Variants in PCDH15 observed in about 807,000 individuals in gnomAD.
PCDH15 encodes the protein protocadherin-15.
A neutral mutation model predicts 178.5 loss-of-function variants in PCDH15; 129 were observed. The ratio of observed to expected loss-of-function variants is 0.72; its 90% CI spans 0.63 to 0.84. The LOEUF (loss-of-function observed/expected upper bound fraction) is 0.84, where lower values mean the gene tolerates loss of function less well. PCDH15 is among the 40% of genes least tolerant of loss of function. The pLI is 0.00. For synonymous variants in PCDH15, 800 were observed against 732.0 expected (o/e 1.09, Z -1.50); for missense variants, 2,230 against 2,099.9 (o/e 1.06, Z -1.21).
chr10:55,308,243 T>C (rs1380571890), intron 1 of PCDH15, among the ~76,000 whole-genome samples: 2 of 152,150 alleles, frequency 1.3e-5, no homozygotes, highest in African/African-American at 2.4e-5. Context: ...TGTGTGTCTC[T>C]ATAACAAGCG....
rs1376209901 is a variant in PCDH15, at chr10:54,438,833, C to T, written c.158-59891G>A. 2.0e-5 allele frequency among the ~76,000 whole-genome samples: 3 copies of T among 152,008 alleles called. No individual in the cohort carries two copies. The East Asian group carries it at 5.8e-4, about 29-fold the overall frequency. On this transcript the variant is annotated intron_variant, in intron 3 of 37. Transcript: ENST00000644397. Reference sequence around the variant, plus strand: ...GGAGAACTAAAGCAAGTTTAGTTCTCCTCACAAAAGAGAAAATAATTGAAA... The same window carrying T: ...GGAGAACTAAAGCAAGTTTAGTTCTTCTCACAAAAGAGAAAATAATTGAAA...
chr10:53,828,207 C>CAAAAAAAA (rs71004480), intron 31 of PCDH15, among the ~76,000 whole-genome samples: 36 of 53,770 alleles, frequency 6.7e-4, no homozygotes, highest in African/African-American at 2.4e-3. Context: ...AAGTCCGTCT[C>CAAAAAAAA]AAAAAAAAAA....
intron 5 of PCDH15, among the ~76,000 whole-genome samples, chr10:54,355,450 A>C (rs1944830078): frequency 6.6e-6 from 1 of 152,070 alleles, no homozygotes; most frequent in Admixed American, 6.6e-5. Context: ...TATATGGCAC[A>C]GTGTCTTGTT....
At chr10:53,843,399 A>T (rs1420541328) in intron 28 of PCDH15, among the ~76,000 whole-genome samples, 1 of 149,504 alleles carries the variant, frequency 6.7e-6, no homozygotes, top group Non-Finnish European at 1.5e-5. Flanking sequence ...AAATTTCCTC[A>T]CATATATACA....
intron 2 of PCDH15, among the ~76,000 whole-genome samples, chr10:54,967,247 C>T (rs907488330): frequency 6.6e-5 from 10 of 152,100 alleles, no homozygotes; most frequent in African/African-American, 2.2e-4. Context: ...TGTGGTGAGT[C>T]ATTGACTGAA....
chr10:54,742,386 A>G (rs1166752526), intron 1 of PCDH15, among the ~76,000 whole-genome samples: 2 of 152,080 alleles, frequency 1.3e-5, no homozygotes, highest in Non-Finnish European at 2.9e-5. Context: ...GACAGTTAAC[A>G]TACGTGCCAG....
chr10:54,044,489 T>C lies in PCDH15; in HGVS notation c.2221-21292A>G, dbSNP rs138048671. 6.4e-3 allele frequency among the ~76,000 whole-genome samples: 981 copies of C among 152,132 alleles called. 7 individuals carry two copies. Among genetic ancestry groups the C allele is most frequent in the African/African-American group, 0.023 (936 of 41,512 alleles). On this transcript the variant is annotated intron_variant, in intron 18 of 37. Coordinates refer to ENST00000644397, the MANE Select transcript of PCDH15 (RefSeq NM_001384140.1). Reference sequence around the variant, plus strand: ...TATCATTGAAAAGTTCAGTGATGGCTCTCCTCACCAGGCCAGAGTAGAGGG... The same window carrying C: ...TATCATTGAAAAGTTCAGTGATGGCCCTCCTCACCAGGCCAGAGTAGAGGG...
intron 3 of PCDH15, among the ~76,000 whole-genome samples, chr10:54,508,900 T>A (rs2081394516): frequency 6.6e-6 from 1 of 152,066 alleles, no homozygotes; most frequent in African/African-American, 2.4e-5. Context: ...TAATGAGATA[T>A]CATGGAAAGG....
intron 1 of PCDH15, among the ~76,000 whole-genome samples, chr10:55,248,308 G>C (rs1245418829): frequency 6.6e-6 from 1 of 151,854 alleles, no homozygotes; most frequent in African/African-American, 2.4e-5. Flanking sequence ...AACTTATAGA[G>C]AGGCTAATAC....
intron 2 of PCDH15, among the ~76,000 whole-genome samples, chr10:54,931,778 A>C (rs974156561): frequency 1.3e-5 from 2 of 152,078 alleles, no homozygotes; most frequent in Admixed American, 6.6e-5. Context: ...TCCTTGCAGA[A>C]CTCACAGTCT....
intron 10 of PCDH15, among the ~76,000 whole-genome samples, chr10:54,210,114 G>T (rs536649697): frequency 2.0e-5 from 3 of 152,032 alleles, no homozygotes; most frequent in Non-Finnish European, 4.4e-5. Context: ...ATTTTTTGAC[G>T]CAGTCATAAG....
intron 2 of PCDH15, among the ~76,000 whole-genome samples, chr10:54,916,477 C>T (rs1837340808): frequency 6.6e-6 from 1 of 152,154 alleles, no homozygotes; most frequent in Non-Finnish European, 1.5e-5. Context: ...ATAGCCACAT[C>T]TATCAAATCT....
At chr10:54,298,537 C>T (rs11813372) in intron 8 of PCDH15, among the ~76,000 whole-genome samples, 8,299 of 152,198 alleles carry the variant, frequency 0.055, 246 homozygotes, top group Admixed American at 0.098. Flanking sequence ...AAAGGTTGTC[C>T]AATGAGAAAC....
chr10:55,329,501 C>A (rs1019662027), intron 2 of PCDH15, among the ~76,000 whole-genome samples: 1 of 151,612 alleles, frequency 6.6e-6, no homozygotes, highest in Admixed American at 6.6e-5. Context: ...TTAGATAGGA[C>A]ATGAATTCTA....
chr10:54,692,099 AT>A (rs1438543362), intron 1 of PCDH15, among the ~76,000 whole-genome samples: 1 of 152,164 alleles, frequency 6.6e-6, no homozygotes, highest in Non-Finnish European at 1.5e-5. Context: ...AAATAAGAAT[AT>A]GCAATTTGAA....
intron 2 of PCDH15, among the ~76,000 whole-genome samples, chr10:55,338,287 C>G (rs982611950): frequency 1.3e-5 from 2 of 151,970 alleles, no homozygotes; most frequent in Admixed American, 1.3e-4. Flanking sequence ...TCCAGCAATC[C>G]CACTTCTGGG....
At chr10:54,163,116 C>T (rs1366490149) in intron 13 of PCDH15, among the ~76,000 whole-genome samples, 2 of 152,068 alleles carry the variant, frequency 1.3e-5, no homozygotes, top group Admixed American at 1.3e-4. Flanking sequence ...TTGAACTTCA[C>T]CTAGAAGTAG....
At position 53,860,947 on chromosome 10, in the gene PCDH15, C is replaced by T. The variant is rs151256756; in HGVS notation, c.3718-3684G>A. 4.6e-5 allele frequency among the ~76,000 whole-genome samples: 7 copies of T among 151,850 alleles called. No individual in the cohort carries two copies. In the East Asian group the frequency reaches 5.8e-4, roughly 13 times the overall value. ...GATAAATTAACAGAAGTCGCACTACCGGGAGTAGTTGTCCCACACTTACCT... is the reference window on the plus strand; with the variant it reads ...GATAAATTAACAGAAGTCGCACTACTGGGAGTAGTTGTCCCACACTTACCT... On this transcript the variant is annotated intron_variant, in intron 27 of 37. Coordinates refer to ENST00000644397, the MANE Select transcript of PCDH15 (RefSeq NM_001384140.1).
chr10:54,424,634 A>G (rs1589339131), intron 3 of PCDH15, among the ~76,000 whole-genome samples: 1 of 152,232 alleles, frequency 6.6e-6, no homozygotes, highest in East Asian at 1.9e-4. Flanking sequence ...GATAGAATGG[A>G]TTAAGAAACT....
Sources: allele counts gnomAD v4.1 joint callset (sites outside exome capture counted in the v4.1 genomes callset), GRCh38; gene constraint gnomAD v4.1.1; transcripts MANE v1.5; gene names NCBI Gene and HGNC (gene_info 2026-07-23, HGNC 2026-07-21).